The following OVOL2 variants were observed in gnomAD, a reference collection of about 807,000 sequenced individuals.
OVOL2 encodes ovo like zinc finger 2, also known as transcription factor Ovo-like 2.
Under a neutral mutation model 18.1 loss-of-function variants are expected in OVOL2, and 13 were observed. The observed-to-expected ratio is 0.72, with a 90% CI of 0.47 to 1.14. The LOEUF is 1.14. Among genes scored for constraint, OVOL2 ranks in the 50% most tolerant of loss-of-function variants. The pLI, the probability that OVOL2 is intolerant of heterozygous loss-of-function variation, is 0.00. For missense variants in OVOL2, 335 were observed against 383.0 expected, an observed-to-expected ratio of 0.87 and a Z score of 1.05; for synonymous variants, 166 against 162.7, an observed-to-expected ratio of 1.02 and a Z score of -0.16.
intron 3 of OVOL2, among the ~76,000 whole-genome samples, chr20:18,031,934 G>A (rs1050644610): frequency 2.0e-5 from 3 of 152,152 alleles, no homozygotes; most frequent in Non-Finnish European, 4.4e-5. Context: ...TGCTTTCCTT[G>A]CTATAGCTCA....
At chr20:18,049,860 T>C (rs1292541184) in intron 2 of OVOL2, among the ~76,000 whole-genome samples, 4 of 151,816 alleles carry the variant, frequency 2.6e-5, no homozygotes. Flanking sequence ...TCATCATGAG[T>C]CCTTAATGTC....
chr20:18,036,529 A>G (rs79877709), intron 3 of OVOL2, among the ~76,000 whole-genome samples: 18,338 of 152,002 alleles, frequency 0.12, 1,209 homozygotes, highest in Middle Eastern at 0.16. Flanking sequence ...TAACTGCGAA[A>G]CCCTTTGGGA....
Position 18,056,795 on chromosome 20 carries a change from G to C in OVOL2, c.183C>G (p.Ser61Arg). The change falls in exon 2 of 4, where the codon AGC (serine) becomes AGG (arginine). Residue 61 changes from serine to arginine, a missense_variant. By Grantham distance (110) the Ser-to-Arg change is moderately radical. Transcript: ENST00000278780. This position sits in a 1 kb window ranked among gnomAD's most constrained non-coding sequence, Gnocchi z 4.2. ...GGSSSGSGSS[S>R]AGEPGGAESS... is the part of the protein sequence containing the mutation. ...TCTCTGCTCCTCCAGGCTCCCCCGC[G>C]CTGCTGCTGCCGCTGCCGCTGCTGC... The C allele has an allele frequency of 6.7e-7, 1 of 1,496,060 alleles. No individual in the cohort carries two copies. The highest frequency in any genetic ancestry group is 8.8e-7 in the Non-Finnish European group (1 of 1,130,190). 92.7% of individuals were successfully genotyped at this position (1,496,060 alleles called of 1,614,324 possible).
chr20:18,057,128 C>T lies in OVOL2; in HGVS notation c.101-251G>A, dbSNP rs1440968132. ...CCGGGCGGCCACGAGCGGCGGAGGA[C>T]CCCGCGCGCCAAGTTTCCTCTCAGG... On this transcript the variant is annotated intron_variant, in intron 1 of 3. Coordinates refer to ENST00000278780, the MANE Select transcript of OVOL2 (RefSeq NM_021220.4). This position sits in a 1 kb window ranked among gnomAD's most constrained non-coding sequence, Gnocchi z 6.3. 1.3e-5 allele frequency among the ~76,000 whole-genome samples: 2 copies of T among 152,192 alleles called. No homozygotes were observed. Among genetic ancestry groups the T allele is most frequent in the Non-Finnish European group, 2.9e-5 (2 of 68,024 alleles).
intron 2 of OVOL2, among the ~76,000 whole-genome samples, chr20:18,051,318 C>T (rs977832625): frequency 1.1e-4 from 16 of 152,130 alleles, no homozygotes; most frequent in African/African-American, 2.9e-4. Context: ...GTAAATAAAG[C>T]GAATCCAGCA....
At chr20:18,031,364 T>C (rs1049044548) in intron 3 of OVOL2, among the ~76,000 whole-genome samples, 1 of 152,120 alleles carries the variant, frequency 6.6e-6, no homozygotes, top group African/African-American at 2.4e-5. Context: ...ATTCGTAAGC[T>C]GGCTGCTGAC....
chr20:18,055,505 G>A (rs2036813085), intron 2 of OVOL2, among the ~76,000 whole-genome samples: 1 of 152,166 alleles, frequency 6.6e-6, no homozygotes, highest in Non-Finnish European at 1.5e-5. Flanking sequence ...CACGGTTTCG[G>A]CAGCTTCTTC....
upstream of OVOL2, among the ~76,000 whole-genome samples, chr20:18,058,124 C>A (rs1283639395): frequency 6.6e-6 from 1 of 152,128 alleles, no homozygotes; most frequent in Non-Finnish European, 1.5e-5. Context: ...ATCACCTGCA[C>A]CTCGAGGCGA....
rs2036692020 is a variant in OVOL2, at chr20:18,043,268, TATC to T, written c.322-1548_322-1546del. ...CCTTGTGCCTGCATCCTGCTCCATT[TATC>T]AAGAGATGGAGACTGTTTTCCCTCC... On this transcript the variant is annotated intron_variant, in intron 2 of 3. Transcript: ENST00000278780. Among the ~76,000 whole-genome samples the T allele has an allele frequency of 2.0e-5, 3 of 152,350 alleles. No individual in the cohort carries two copies. The East Asian group carries it at 5.8e-4, about 29-fold the overall frequency.
intron 3 of OVOL2, among the ~76,000 whole-genome samples, chr20:18,025,366 G>C (rs559302638): frequency 3.7e-4 from 57 of 152,180 alleles, no homozygotes; most frequent in Admixed American, 3.7e-3. Flanking sequence ...TCAGGAGTTC[G>C]AGACCAGCCT....
rs1361096431 is a variant in OVOL2, at chr20:18,056,678, CG to C, written c.299del (p.Pro100ArgfsTer35). The C allele has an allele frequency of 7.0e-7, 1 of 1,432,828 alleles. No homozygotes were observed. Among genetic ancestry groups the C allele is most frequent in the South Asian group, 1.5e-5 (1 of 65,924 alleles). 88.8% of individuals were successfully genotyped at this position (1,432,828 alleles called of 1,614,324 possible). A position where few individuals can be genotyped will look rare whatever the true frequency, so the allele number is the denominator to read the frequency against. On this transcript the variant is annotated frameshift_variant, in exon 2 of 4. Transcript: ENST00000278780. LOFTEE classifies it high-confidence loss of function. This position sits in a 1 kb window ranked among gnomAD's most constrained non-coding sequence, Gnocchi z 4.2. ...GTACCTTGATTTTCGATCTGGCGAC[CG>C]GGCGCTGCTTGGTCGCCAGGTGTCC... ...PDGHLATKQR[P>X]VARSKIKFTT...
chr20:18,058,402 A>ACCCC (rs1244134426), upstream of OVOL2, among the ~76,000 whole-genome samples: 1 of 117,350 alleles, frequency 8.5e-6, no homozygotes, highest in African/African-American at 3.3e-5. Flanking sequence ...ATCAGCTACA[A>ACCCC]CACCCCCCCC....
rs2036828642 is a variant in OVOL2 at position 18,056,635 on chromosome 20, G to A, written c.321+22C>T. The A allele has an allele frequency of 2.2e-6, 3 of 1,379,316 alleles. No homozygotes were observed. The highest frequency in any genetic ancestry group is 3.1e-5 in the East Asian group (1 of 32,668). The allele number at this position is 1,379,316 out of a possible 1,614,324, so 85.4% of individuals were successfully genotyped here. ...GCCAGGGCGTGGTGCAGGTGGCGGC[G>A]GGGGCAGAGTCGACACAGTACCTTG... On this transcript the variant is annotated intron_variant, in intron 2 of 3. Transcript: ENST00000278780. This position sits in a 1 kb window ranked among gnomAD's most constrained non-coding sequence, Gnocchi z 4.2.
intron 3 of OVOL2, among the ~76,000 whole-genome samples, chr20:18,040,833 TGCTATCCAGAGACAG>T: frequency 6.6e-6 from 1 of 152,178 alleles, no homozygotes; most frequent in East Asian, 1.9e-4. Context: ...AGGAACACGA[TGCTATCCAGAGACAG>T]GCTTATGTCC....
intron 2 of OVOL2, among the ~76,000 whole-genome samples, chr20:18,048,692 G>A (rs775879540): frequency 6.6e-6 from 1 of 152,146 alleles, no homozygotes; most frequent in Non-Finnish European, 1.5e-5. Flanking sequence ...GAGTGACAGA[G>A]AGAGACCCTG....
chr20:18,040,560 C>T (rs1377395586), intron 3 of OVOL2, among the ~76,000 whole-genome samples: 1 of 152,158 alleles, frequency 6.6e-6, no homozygotes, highest in Non-Finnish European at 1.5e-5. Context: ...AGGGATCACT[C>T]TGGCAGAGGT....
chr20:18,035,783 G>A, intron 3 of OVOL2, among the ~76,000 whole-genome samples: 1 of 152,096 alleles, frequency 6.6e-6, no homozygotes, highest in South Asian at 2.1e-4. Flanking sequence ...AGTTCCATTT[G>A]TTCATCCCTT....
chr20:18,031,578 GA>G (rs940653375), intron 3 of OVOL2, among the ~76,000 whole-genome samples: 2 of 151,656 alleles, frequency 1.3e-5, no homozygotes, highest in African/African-American at 2.4e-5. Flanking sequence ...CTCTATCTCA[GA>G]AAAAAAACAA....
At chr20:18,059,063 C>T (rs1473390792), upstream of OVOL2, 1 of 152,272 alleles carries the variant, frequency 6.6e-6, no homozygotes, top group Non-Finnish European at 1.5e-5. Context: ...CAAGGCTCAC[C>T]CAACAGCCAG....
Sources: allele counts gnomAD v4.1 joint callset (sites outside exome capture counted in the v4.1 genomes callset), GRCh38; gene constraint gnomAD v4.1.1; non-coding constraint Gnocchi (gnomAD v3.1); transcripts MANE v1.5; gene names NCBI Gene and HGNC (gene_info 2026-07-23, HGNC 2026-07-21).